Variants in ARHGEF9 observed in about 807,000 individuals in gnomAD.
ARHGEF9 encodes rho guanine nucleotide exchange factor 9.
Under a neutral mutation model 41.3 loss-of-function variants are expected in ARHGEF9, and 2 were observed. The observed-to-expected ratio is 0.05, with a 90% CI of 0.02 to 0.15. ARHGEF9 has a LOEUF of 0.15. Ranked by LOEUF, ARHGEF9 falls within the 10% of genes least tolerant of loss-of-function variation. ARHGEF9 has a pLI of 1.00. For synonymous variants in ARHGEF9, 160 were observed against 154.4 expected, an observed-to-expected ratio of 1.04 and a Z score of -0.27; for missense variants, 225 against 424.7, an observed-to-expected ratio of 0.53 and a Z score of 4.13.
intron 8 of ARHGEF9, among the ~76,000 whole-genome samples, chrX:63,644,559 CT>C (rs1359605675): frequency 2.7e-5 from 3 of 109,916 alleles, no homozygotes; most frequent in African/African-American, 9.9e-5. Flanking sequence ...AATAAAAGGT[CT>C]TGCTAAGTCC....
At chrX:63,746,550 C>A (rs1164003908) in intron 1 of ARHGEF9, among the ~76,000 whole-genome samples, 5 of 112,051 alleles carry the variant, frequency 4.5e-5, no homozygotes, top group African/African-American at 1.6e-4. Flanking sequence ...TAGTCACTAC[C>A]ACTACCTGTT....
chrX:63,654,754 C>A (rs1312660859), intron 8 of ARHGEF9, among the ~76,000 whole-genome samples: 2 of 111,691 alleles, frequency 1.8e-5, no homozygotes, highest in Non-Finnish European at 3.8e-5. Flanking sequence ...AACTGTATGT[C>A]TTCTCAGGGA....
At chrX:63,640,461 A>G (rs1395238420) in intron 9 of ARHGEF9, 1 of 111,684 alleles carries the variant, frequency 9.0e-6, no homozygotes, top group African/African-American at 3.3e-5. Context: ...CACTCATTTG[A>G]TTTTGTGCTG....
chrX:63,646,962 A>C (rs1376022996), intron 8 of ARHGEF9, among the ~76,000 whole-genome samples: 14 of 110,996 alleles, frequency 1.3e-4, no homozygotes, highest in African/African-American at 4.3e-4. Context: ...TGTAAGTTGG[A>C]TTCCTAGGTA....
At chrX:63,732,733 C>A in intron 1 of ARHGEF9, among the ~76,000 whole-genome samples, 1 of 111,211 alleles carries the variant, frequency 9.0e-6, no homozygotes, top group Non-Finnish European at 1.9e-5. Flanking sequence ...CTCATGACAT[C>A]AGCTGTCACT....
chrX:63,711,491 A>C (rs782819225), intron 2 of ARHGEF9, among the ~76,000 whole-genome samples: 1 of 112,133 alleles, frequency 8.9e-6, no homozygotes, highest in Non-Finnish European at 1.9e-5. Flanking sequence ...AGGAGTCCAG[A>C]AATATATCCT....
intron 2 of ARHGEF9, among the ~76,000 whole-genome samples, chrX:63,721,420 G>T (rs1164084854): frequency 9.0e-6 from 1 of 110,998 alleles, no homozygotes; most frequent in Non-Finnish European, 1.9e-5. Context: ...ACCTCAGCAA[G>T]CTCTTTACTT....
chrX:63,702,758 G>A (rs1556397143), intron 3 of ARHGEF9, among the ~76,000 whole-genome samples: 1 of 112,070 alleles, frequency 8.9e-6, no homozygotes, highest in Non-Finnish European at 1.9e-5. Flanking sequence ...TACCAAGAAG[G>A]AAGAAGCAGA....
chrX:63,746,894 G>T (rs2055308262), intron 1 of ARHGEF9, among the ~76,000 whole-genome samples: 1 of 111,560 alleles, frequency 9.0e-6, no homozygotes, highest in African/African-American at 3.3e-5. Context: ...TTCCCTGTTT[G>T]GCAGCCAATG....
chrX:63,771,559 A>G (rs1175681786), intron 1 of ARHGEF9, among the ~76,000 whole-genome samples: 1 of 110,138 alleles, frequency 9.1e-6, no homozygotes, highest in Non-Finnish European at 1.9e-5. Flanking sequence ...GGCTTCATCC[A>G]GTCAGTTGAA....
intron 9 of ARHGEF9, chrX:63,638,539 G>T: frequency 2.7e-6 from 1 of 376,984 alleles, no homozygotes; most frequent in South Asian, 7.6e-5. Flanking sequence ...GACAAAGCAA[G>T]GGTTAGAACC....
chrX:63,712,414 A>T (rs1433700442), intron 2 of ARHGEF9, among the ~76,000 whole-genome samples: 18 of 111,985 alleles, frequency 1.6e-4, no homozygotes, highest in Non-Finnish European at 2.6e-4. Flanking sequence ...AATATGGCAT[A>T]GTTATGTAAT....
chrX:63,752,909 T>C (rs782011134), intron 1 of ARHGEF9, among the ~76,000 whole-genome samples: 2 of 112,036 alleles, frequency 1.8e-5, no homozygotes, highest in South Asian at 7.5e-4. Context: ...GGGGAGCATG[T>C]GTGTAGATGT....
chrX:63,774,436 A>C, intron 1 of ARHGEF9, among the ~76,000 whole-genome samples: 1 of 111,771 alleles, frequency 8.9e-6, no homozygotes, highest in Admixed American at 9.5e-5. Flanking sequence ...TGTGTTGCCA[A>C]AGGAATCCTC....
At chrX:63,783,972 T>G (rs782035447) in intron 1 of ARHGEF9, among the ~76,000 whole-genome samples, 1 of 111,836 alleles carries the variant, frequency 8.9e-6, no homozygotes, top group Admixed American at 9.4e-5. Flanking sequence ...AACAAAACTC[T>G]GAGGAAGGGA....
intron 9 of ARHGEF9, 23 bp downstream of exon 9, chrX:63,643,955 CAG>C: frequency 8.3e-7 from 1 of 1,198,298 alleles, no homozygotes; most frequent in Non-Finnish European, 1.1e-6. Context: ...TAGTCTTTCA[CAG>C]AGACTGAGTG....
chrX:63,734,759 C>G (rs1249584930), intron 1 of ARHGEF9, among the ~76,000 whole-genome samples: 1 of 111,759 alleles, frequency 8.9e-6, no homozygotes, highest in African/African-American at 3.3e-5. Context: ...CCCGTCCCAA[C>G]CTTCAGGCAC....
At chrX:63,646,947 T>C (rs1370555966) in intron 8 of ARHGEF9, among the ~76,000 whole-genome samples, 4 of 111,407 alleles carry the variant, frequency 3.6e-5, no homozygotes, top group East Asian at 5.6e-4. Flanking sequence ...TTCCTTCACG[T>C]CCCTTGTAAG....
At position 63,694,409 on chromosome X, in the gene ARHGEF9, G is replaced by C. The variant is rs1478853998; in HGVS notation, c.582+2716C>G. ...TATATTCTCAAAAAATATTGTACTA[G>C]AATGTTCATAGCAGCTTTATGCATT... On this transcript the variant is annotated intron_variant, in intron 4 of 9. Transcript: ENST00000671741. Among the ~76,000 whole-genome samples, 8 of 112,094 alleles carry C rather than the reference G, an allele frequency of 7.1e-5. No homozygotes were observed. In the East Asian group the frequency reaches 2.2e-3, roughly 31 times the overall value.
Sources: gnomAD v4.1 joint callset for allele counts (sites outside exome capture counted in the v4.1 genomes callset) on GRCh38, gnomAD v4.1.1 for gene constraint, MANE v1.5 for transcripts, NCBI Gene and HGNC (gene_info 2026-07-23, HGNC 2026-07-21) for gene names.